The following VPS8 variants were observed in gnomAD, a reference collection of about 807,000 sequenced individuals.
VPS8 encodes the protein VPS8 subunit of CORVET complex, also known as vacuolar protein sorting-associated protein 8 homolog.
Under a neutral mutation model 216.4 loss-of-function variants are expected in VPS8, and 129 were observed. The ratio of observed to expected loss-of-function variants is 0.60; its 90% CI spans 0.52 to 0.69. The LOEUF is 0.69. VPS8 is among the 30% of genes least tolerant of loss of function. The pLI, the probability that VPS8 is intolerant of heterozygous loss-of-function variation, is 0.00. For missense variants in VPS8, 1,531 were observed against 1,683.5 expected, an observed-to-expected ratio of 0.91 and a Z score of 1.59; for synonymous variants, 571 against 565.4, an observed-to-expected ratio of 1.01 and a Z score of -0.14.
At chr3:184,994,115 A>AT (rs1025161582) in intron 43 of VPS8, 52 bp downstream of exon 43, 55 of 1,325,864 alleles carry the variant, frequency 4.1e-5, no homozygotes, top group South Asian at 1.4e-4. Flanking sequence ...GAAAAATGCT[A>AT]TTTTTTTTAA....
intron 29 of VPS8, among the ~76,000 whole-genome samples, chr3:184,923,799 T>C (rs1330412262): frequency 3.3e-5 from 5 of 152,230 alleles, no homozygotes. Context: ...AGGTTTGCCT[T>C]CTCTGTTGAC....
rs897493007 is a variant in VPS8 at position 184,871,190 on chromosome 3, A to G, written c.1734+385A>G. On this transcript the variant is annotated intron_variant, in intron 21 of 47. Transcript: ENST00000625842. ...TAGGAGCACCTATGACTTAAGAATA[A>G]TAGATCAATCACAAATATATATATA... 2.0e-5 allele frequency among the ~76,000 whole-genome samples: 3 copies of G among 148,816 alleles called. No homozygotes were observed. In the East Asian group the frequency reaches 6.3e-4, roughly 31 times the overall value.
chr3:184,964,657 A>G (rs1299191880), intron 38 of VPS8, 100 bp downstream of exon 38: 3 of 629,960 alleles, frequency 4.8e-6, no homozygotes, highest in South Asian at 4.8e-5. Context: ...GCAGACCGTA[A>G]TATATTTTAC....
At chr3:184,894,529 T>TATAC (rs141680665) in intron 22 of VPS8, among the ~76,000 whole-genome samples, 174 bp from the exon 23 acceptor site, 1 of 144,064 alleles carries the variant, frequency 6.9e-6, no homozygotes, top group Admixed American at 6.9e-5. Flanking sequence ...TATATATATA[T>TATAC]ATACACACAC....
intron 45 of VPS8, among the ~76,000 whole-genome samples, chr3:185,009,793 A>G (rs1754746156): frequency 6.6e-6 from 1 of 152,108 alleles, no homozygotes; most frequent in Admixed American, 6.6e-5. Flanking sequence ...ACGAAGGCAG[A>G]GCTTAGTCTC....
intron 36 of VPS8, among the ~76,000 whole-genome samples, chr3:184,955,409 A>C (rs539881931): frequency 7.3e-4 from 111 of 152,234 alleles, no homozygotes; most frequent in African/African-American, 2.5e-3. Flanking sequence ...TGCGGTGGCT[A>C]CCTAAAAGGG....
chr3:184,844,915 A>G (rs1442412477), intron 8 of VPS8, among the ~76,000 whole-genome samples: 4 of 152,206 alleles, frequency 2.6e-5, no homozygotes, highest in Middle Eastern at 3.2e-3. Context: ...AATTTTTCAT[A>G]GGCAAAACTC....
intron 46 of VPS8, among the ~76,000 whole-genome samples, chr3:185,026,551 A>G (rs1757383477): frequency 6.7e-6 from 1 of 150,368 alleles, no homozygotes; most frequent in Non-Finnish European, 1.5e-5. Flanking sequence ...AGCTGGGATC[A>G]CAGGGACGCA....
chr3:184,860,200 C>T (rs767385555), intron 15 of VPS8, 135 bp downstream of exon 15: 6 of 761,978 alleles, frequency 7.9e-6, no homozygotes, highest in East Asian at 5.9e-5. Flanking sequence ...AGTCCGGCAC[C>T]GAGGCTCGTG....
chr3:184,871,036 G>A (rs1353823064), intron 21 of VPS8, among the ~76,000 whole-genome samples: 1 of 152,112 alleles, frequency 6.6e-6, no homozygotes, highest in Non-Finnish European at 1.5e-5. Flanking sequence ...GTGGCGTGTG[G>A]AAGGAAAGGA....
rs141468473 is a variant in VPS8, at chr3:184,885,223, C to T, written c.1735-887C>T. On this transcript the variant is annotated intron_variant, in intron 21 of 47. Transcript: ENST00000625842. ...TGTTAGTATGTGGAGCTCTTTTTCA[C>T]GTAGTGCCTTCTCCCTCCTGATGAG... is the stretch of plus-strand genomic sequence containing the variant. 1.8e-4 allele frequency among the ~76,000 whole-genome samples: 28 copies of T among 152,242 alleles called. 1 individual carries two copies. In the East Asian group the frequency reaches 4.8e-3, roughly 26 times the overall value.
intron 45 of VPS8, among the ~76,000 whole-genome samples, chr3:185,016,052 A>G (rs545385955): frequency 3.9e-5 from 6 of 152,298 alleles, no homozygotes; most frequent in African/African-American, 1.4e-4. Flanking sequence ...GTCTTTTGTT[A>G]GTTGCCGAGG....
At chr3:185,021,169 CA>C (rs1240744347) in intron 45 of VPS8, among the ~76,000 whole-genome samples, 1 of 152,188 alleles carries the variant, frequency 6.6e-6, no homozygotes, top group African/African-American at 2.4e-5. Flanking sequence ...ATTTTATTAA[CA>C]AAGATCACAA....
rs1207903840 is a variant in VPS8, at chr3:184,900,938, T to A, written c.2112T>A (p.Ile704=). 6.8e-6 allele frequency: 11 copies of A among 1,606,420 alleles called. No homozygotes were observed. The highest frequency in any genetic ancestry group is 1.3e-5 in the African/African-American group (1 of 74,468). The change falls in exon 25 of 48, where the codon ATT becomes ATA. Residue 704 remains isoleucine (I), a synonymous_variant. Transcript: ENST00000625842. ...TAATGCAGAAACTTTTCAGAGTCATTGCTCCTCCTCTGAATGCAGGAAAAA... is the reference window on the plus strand; with the variant it reads ...TAATGCAGAAACTTTTCAGAGTCATAGCTCCTCCTCTGAATGCAGGAAAAA... ...ISPMEKLFRV[I]APPLNAGKTL...
At chr3:184,979,687 G>A (rs1323315819) in intron 40 of VPS8, among the ~76,000 whole-genome samples, 1 of 151,864 alleles carries the variant, frequency 6.6e-6, no homozygotes, top group African/African-American at 2.4e-5. Context: ...TGAGTCTATG[G>A]GTATCATTGC....
chr3:184,935,911 G>A (rs1445184955), intron 34 of VPS8, among the ~76,000 whole-genome samples: 5 of 152,176 alleles, frequency 3.3e-5, no homozygotes. Context: ...GCTCCAGGGT[G>A]AAATGCATTG....
chr3:184,877,601 G>C (rs1382453343), intron 21 of VPS8, among the ~76,000 whole-genome samples: 1 of 152,116 alleles, frequency 6.6e-6, no homozygotes, highest in African/African-American at 2.4e-5. Flanking sequence ...CCATTTTCCA[G>C]AGGAAATAGA....
chr3:184,848,917 A>T, intron 8 of VPS8, 154 bp from the exon 9 acceptor site: 1 of 740,150 alleles, frequency 1.4e-6, no homozygotes, highest in Non-Finnish European at 2.1e-6. Flanking sequence ...AGCATCTGCT[A>T]GTTGCTCAAT....
Position 184,900,668 on chromosome 3 carries a change from A to G in VPS8, c.2095-253A>G, listed in dbSNP as rs546405470. The stretch of plus-strand genomic sequence containing the variant: ...CCAAAGGATACTTTATATCAAAATT[A>G]TAATCTCAGATAAGCCCTTTATATA... On this transcript the variant is annotated intron_variant, in intron 24 of 47. Transcript: ENST00000625842. Among the ~76,000 whole-genome samples the G allele has an allele frequency of 5.3e-5, 8 of 152,336 alleles. No homozygotes were observed. The South Asian group carries it at 1.2e-3, about 24-fold the overall frequency.
Sources: gnomAD v4.1 joint callset for allele counts (sites outside exome capture counted in the v4.1 genomes callset) on GRCh38, gnomAD v4.1.1 for gene constraint, MANE v1.5 for transcripts, NCBI Gene and HGNC (gene_info 2026-07-23, HGNC 2026-07-21) for gene names.